The following NBPF10 variants were observed in gnomAD, a reference collection of about 807,000 sequenced individuals.
The protein encoded by NBPF10 is NBPF member 10.
In NBPF10, 63 loss-of-function variants were observed where a neutral mutation model predicts 77.9. The observed-to-expected ratio is 0.81, with a 90% CI of 0.66 to 1.00. The LOEUF (loss-of-function observed/expected upper bound fraction) is 1.00, where lower values mean the gene tolerates loss of function less well. Among genes scored for constraint, NBPF10 ranks in the 50% least tolerant of loss-of-function variants. The pLI, the probability that NBPF10 is intolerant of heterozygous loss-of-function variation, is 0.00. For missense variants in NBPF10, 522 were observed against 679.8 expected, an observed-to-expected ratio of 0.77 and a Z score of 2.58; for synonymous variants, 146 against 264.5, an observed-to-expected ratio of 0.55 and a Z score of 4.35.
intron 5 of NBPF10, among the ~76,000 whole-genome samples, chr1:146,139,302 G>A (rs587706534): frequency 6.6e-6 from 1 of 151,698 alleles, no homozygotes; most frequent in Non-Finnish European, 1.5e-5. Flanking sequence ...GTAAAGACGG[G>A]GTTTCACCGT....
chr1:146,139,320 AG>A (rs1660051501), intron 5 of NBPF10, among the ~76,000 whole-genome samples: 1 of 150,684 alleles, frequency 6.6e-6, no homozygotes, highest in African/African-American at 2.4e-5. Flanking sequence ...CGTGTTAGCC[AG>A]GATGGTCTCA....
Position 146,069,535 on chromosome 1 carries a change from G to A in NBPF10, c.10810+8C>T, listed in dbSNP as rs781807043. On this transcript the variant is annotated splice_region_variant and intron_variant, in intron 86 of 89. Coordinates refer to ENST00000583866, the Ensembl canonical transcript of NBPF10. ...GGATCCTTATCACCTTCATAGAAAG[G>A]TACTCACCATCCATGTCAACAGCCA... 1 of 903,448 alleles carries A rather than the reference G, an allele frequency of 1.1e-6. No homozygotes were observed. The allele number at this position is 903,448 out of a possible 1,614,324, so 56.0% of individuals were successfully genotyped here.
intron 44 of NBPF10, among the ~76,000 whole-genome samples, 171 bp from the exon 45 acceptor site, chr1:146,102,077 GT>G (rs1657125934): frequency 7.8e-5 from 2 of 25,806 alleles, no homozygotes; most frequent in African/African-American, 6.0e-4. Flanking sequence ...AGATTCCTTG[GT>G]TTTTGTCCCA....
At chr1:146,139,411 G>A (rs1310208811) in intron 5 of NBPF10, among the ~76,000 whole-genome samples, 1 of 151,528 alleles carries the variant, frequency 6.6e-6, no homozygotes, top group Non-Finnish European at 1.5e-5. Flanking sequence ...GCCCAGCCGA[G>A]ACTTATTAAT....
At chr1:146,126,339 T>G (rs192360850) in exon 14 of NBPF10, 11 of 1,298,182 alleles carry the variant, frequency 8.5e-6, no homozygotes, top group Middle Eastern at 2.5e-4. Flanking sequence ...CTGAAGGAGT[T>G]GAATAACATC....
intron 6 of NBPF10, among the ~76,000 whole-genome samples, chr1:146,136,842 T>C (rs868909777): frequency 6.7e-6 from 1 of 148,268 alleles, no homozygotes; most frequent in Non-Finnish European, 1.5e-5. Context: ...GGAAGGCCCC[T>C]AGGACTATGG....
At chr1:146,076,238 G>C (rs1465280414) in intron 77 of NBPF10, among the ~76,000 whole-genome samples, 197 bp from the exon 78 acceptor site, 2 of 5,330 alleles carry the variant, frequency 3.8e-4, no homozygotes, top group South Asian at 8.6e-3. Context: ...AAGACAGATA[G>C]ACACACACAC....
chr1:146,138,838 G>A lies in NBPF10; in HGVS notation c.779-393C>T, dbSNP rs1437281518. On this transcript the variant is annotated intron_variant, in intron 5 of 89. Transcript: ENST00000583866. Reference sequence around the variant, plus strand: ...CTCACTCTGTCACGCAGGCTGCAGTGCAGAGGCACAATCTCAGCTCACTGC... The same window carrying A: ...CTCACTCTGTCACGCAGGCTGCAGTACAGAGGCACAATCTCAGCTCACTGC... Among the ~76,000 whole-genome samples the A allele has an allele frequency of 2.1e-5, 3 of 143,594 alleles. No individual in the cohort carries two copies. In the East Asian group the frequency reaches 6.1e-4, roughly 29 times the overall value. 94.2% of individuals were successfully genotyped at this position (143,594 alleles called of 152,430 possible).
intron 2 of NBPF10, among the ~76,000 whole-genome samples, chr1:146,142,210 A>G (rs1660375660): frequency 8.8e-6 from 1 of 113,492 alleles, no homozygotes; most frequent in Non-Finnish European, 2.0e-5. Flanking sequence ...CCAGGTGCAG[A>G]TGGGGCGAAT....
chr1:146,126,316 A>T (rs782008533), exon 14 of NBPF10: 7 of 1,355,852 alleles, frequency 5.2e-6, no homozygotes, highest in Middle Eastern at 2.4e-4. Flanking sequence ...TGAGTCAGTC[A>T]GTTCAAGACA....
intron 77 of NBPF10, among the ~76,000 whole-genome samples, 197 bp from the exon 78 acceptor site, chr1:146,076,238 GACAC>G (rs1213507335): frequency 0.047 from 248 of 5,330 alleles, 4 homozygotes; most frequent in South Asian, 0.076. Flanking sequence ...AAGACAGATA[GACAC>G]ACACACACAC....
exon 86 of NBPF10, chr1:146,069,687 C>G: frequency 9.5e-6 from 8 of 844,744 alleles, no homozygotes; most frequent in Non-Finnish European, 1.4e-5. Context: ...ACTTCAGGCC[C>G]TTTCTCATCC....
At chr1:146,123,479 C>CACA (rs1553788849) in intron 17 of NBPF10, among the ~76,000 whole-genome samples, 35 of 53,498 alleles carry the variant, frequency 6.5e-4, no homozygotes, top group African/African-American at 2.7e-3. Flanking sequence ...CAGATAGACA[C>CACA]ACACACACAC....
At chr1:146,067,869 A>G (rs1187750462) in intron 88 of NBPF10, 134 bp downstream of exon 88, 2 of 697,456 alleles carry the variant, frequency 2.9e-6, no homozygotes, top group Non-Finnish European at 5.2e-6. Flanking sequence ...GTTTCATTAC[A>G]ACCTATATGC....
chr1:146,073,134 C>G lies in NBPF10; in HGVS notation c.10131-233G>C, dbSNP rs1377995050. 2.8e-5 allele frequency among the ~76,000 whole-genome samples: 2 copies of G among 70,614 alleles called. 1 individual carries two copies. The highest frequency in any genetic ancestry group is 1.8e-4 in the African/African-American group (2 of 10,948). 46.3% of individuals were successfully genotyped at this position (70,614 alleles called of 152,430 possible). Reference sequence around the variant, plus strand: ...GAGAGGGAGGAGAAAGTGAGCTCAGCGAATTGGCCGGGTGACACACTGATG... The same window carrying G: ...GAGAGGGAGGAGAAAGTGAGCTCAGGGAATTGGCCGGGTGACACACTGATG... On this transcript the variant is annotated intron_variant, in intron 81 of 89. Transcript: ENST00000583866.
chr1:146,121,862 G>C (rs1456013966), intron 19 of NBPF10, among the ~76,000 whole-genome samples, 192 bp from the exon 20 acceptor site: 182 of 53,404 alleles, frequency 3.4e-3, no homozygotes, highest in Non-Finnish European at 6.4e-3. Context: ...GAGAAAGACA[G>C]AGAGAGAGAG....
exon 14 of NBPF10, chr1:146,126,332 A>T: frequency 1.5e-6 from 2 of 1,293,222 alleles, no homozygotes; most frequent in South Asian, 1.2e-5. Context: ...AGACAACCTG[A>T]AGGAGTTGAA....
At chr1:146,067,085 T>G in intron 89 of NBPF10, 95 bp downstream of exon 89, 1 of 603,710 alleles carries the variant, frequency 1.7e-6, no homozygotes, top group South Asian at 1.8e-5. Flanking sequence ...TCAGCCTTCG[T>G]TGAAAACATG....
exon 89 of NBPF10, chr1:146,067,198 T>G (rs1553777869): frequency 1.7e-6 from 1 of 604,480 alleles, no homozygotes; most frequent in Admixed American, 2.6e-5. Flanking sequence ...TGGTGGGTTT[T>G]GATCTTCTTC....
Sources: allele counts gnomAD v4.1 joint callset (sites outside exome capture counted in the v4.1 genomes callset), GRCh38; gene constraint gnomAD v4.1.1; transcripts MANE v1.5; gene names NCBI Gene and HGNC (gene_info 2026-07-23, HGNC 2026-07-21).